TTLL7: variants seen among roughly 807,000 people sequenced by gnomAD.
TTLL7 encodes tubulin polyglutamylase TTLL7.
In TTLL7, 53 loss-of-function variants were observed where a neutral mutation model predicts 120.2. The observed-to-expected ratio is 0.44, with a 90% CI of 0.35 to 0.55. TTLL7 has a LOEUF of 0.55. Among genes scored for constraint, TTLL7 ranks in the 20% least tolerant of loss-of-function variants. The pLI, the probability that TTLL7 is intolerant of heterozygous loss-of-function variation, is 0.00. For missense variants in TTLL7, 803 were observed against 1,054.7 expected (o/e 0.76, Z 3.31); for synonymous variants, 353 against 351.7 (o/e 1.00, Z -0.04).
At chr1:83,978,312 C>T (rs537167754) in intron 1 of TTLL7, among the ~76,000 whole-genome samples, 30 of 152,226 alleles carry the variant, frequency 2.0e-4, no homozygotes, top group African/African-American at 7.2e-4. Context: ...CTTCCCAATC[C>T]TTTTTAGCTA....
chr1:83,907,379 GTCC>G, intron 16 of TTLL7, 74 bp downstream of exon 16: 2 of 1,305,994 alleles, frequency 1.5e-6, no homozygotes, highest in South Asian at 2.5e-5. Flanking sequence ...GGTTCAGTCT[GTCC>G]TCCTCTCATC....
chr1:83,890,322 C>A lies in TTLL7; in HGVS notation c.2368G>T (p.Gly790Ter). 1 of 1,610,286 alleles carries A rather than the reference C, an allele frequency of 6.2e-7. No homozygotes were observed. Among genetic ancestry groups the A allele is most frequent in the East Asian group, 2.2e-5 (1 of 44,778 alleles). Reference sequence around the variant, plus strand: ...AATAAAAGATGACTTAGAGCTTACCCTGAATCACAGAAACAGTTCCACAGC... The same window carrying A: ...AATAAAAGATGACTTAGAGCTTACCATGAATCACAGAAACAGTTCCACAGC... Reference protein sequence around the residue: ...QGLWNCFCDSGSSWESIFNKS... With the variant: ...QGLWNCFCDS Residue 790 changes from glycine to a stop codon, truncating the protein, a stop_gained and splice_region_variant, in exon 19 of 21, where the codon GGA becomes TGA. Transcript: ENST00000260505. LOFTEE classifies it high-confidence loss of function.
At chr1:83,893,449 C>T (rs1294505173) in intron 18 of TTLL7, among the ~76,000 whole-genome samples, 2 of 151,898 alleles carry the variant, frequency 1.3e-5, no homozygotes, top group African/African-American at 4.8e-5. Flanking sequence ...GGATTTTTCA[C>T]TTTTTGTTTT....
intron 1 of TTLL7, among the ~76,000 whole-genome samples, chr1:83,995,423 T>C (rs949773503): frequency 1.3e-5 from 2 of 151,384 alleles, no homozygotes; most frequent in Admixed American, 6.6e-5. Context: ...TCTCACAAGA[T>C]CTGGTCACTT....
At chr1:83,926,946 C>A (rs1229171173) in intron 10 of TTLL7, among the ~76,000 whole-genome samples, 1 of 152,054 alleles carries the variant, frequency 6.6e-6, no homozygotes, top group East Asian at 1.9e-4. Flanking sequence ...TTTACTTGTT[C>A]TACATATAAC....
At chr1:83,879,610 A>T (rs1242235750) in intron 20 of TTLL7, among the ~76,000 whole-genome samples, 4 of 152,042 alleles carry the variant, frequency 2.6e-5, no homozygotes, top group African/African-American at 9.7e-5. Context: ...GCTCACAGCT[A>T]CACCATGTCC....
At chr1:83,926,187 A>G (rs1007983640) in intron 10 of TTLL7, among the ~76,000 whole-genome samples, 10 of 152,056 alleles carry the variant, frequency 6.6e-5, no homozygotes, top group African/African-American at 2.2e-4. Context: ...GGTATTTGAT[A>G]TTGTTAGCAG....
At chr1:83,899,332 T>A (rs1405648767) in intron 18 of TTLL7, among the ~76,000 whole-genome samples, 1 of 151,870 alleles carries the variant, frequency 6.6e-6, no homozygotes, top group Non-Finnish European at 1.5e-5. Context: ...GGAGCCCCAA[T>A]AATCATGAGA....
chr1:83,932,457 T>C (rs1659673166), intron 9 of TTLL7, among the ~76,000 whole-genome samples: 1 of 152,094 alleles, frequency 6.6e-6, no homozygotes, highest in South Asian at 2.1e-4. Context: ...TTATCTTATC[T>C]CTAAGACCCA....
chr1:83,889,802 G>T, intron 19 of TTLL7: 1 of 390,886 alleles, frequency 2.6e-6, no homozygotes, highest in Admixed American at 3.0e-5. Context: ...TTTGGCAAAT[G>T]ACTGAATAAA....
rs1654653589 is a variant in TTLL7 at position 83,883,076 on chromosome 1, C to G, written c.2430G>C (p.Gln810His). ...SPEVVTPLQL[Q>H]CCQRLVELCK... ...AAAGCTCCACTAGGCGCTGGCAACA[C>G]TGGAGCTGCAAAGGAGTCACCACCT... The change falls in exon 20 of 21, where the codon CAG (glutamine) becomes CAC (histidine). Residue 810 changes from glutamine (Q) to histidine (H), a missense_variant. Physicochemically the swap from Gln to His is conservative, Grantham distance 24. Around this residue, in one of 3 missense-constraint regions of TTLL7, gnomAD observed 388 missense variants for 450.4 expected, o/e 0.86. Coordinates refer to ENST00000260505, the MANE Select transcript of TTLL7 (RefSeq NM_024686.6). 6.2e-7 allele frequency: 1 copy of G among 1,612,300 alleles called. No homozygotes were observed. Among genetic ancestry groups the G allele is most frequent in the Non-Finnish European group, 8.5e-7 (1 of 1,179,084 alleles).
At chr1:83,920,326 A>C (rs1658532432) in intron 12 of TTLL7, among the ~76,000 whole-genome samples, 1 of 152,098 alleles carries the variant, frequency 6.6e-6, no homozygotes, top group Admixed American at 6.6e-5. Flanking sequence ...TGTTCAGGTA[A>C]TAAGGGATAC....
intron 20 of TTLL7, among the ~76,000 whole-genome samples, chr1:83,872,806 C>T (rs1355579211): frequency 6.6e-6 from 1 of 152,152 alleles, no homozygotes; most frequent in Non-Finnish European, 1.5e-5. Flanking sequence ...TTACAGATAT[C>T]AACTCATTTA....
chr1:83,870,053 A>C lies in TTLL7; in HGVS notation c.2573T>G (p.Phe858Cys). ...CAAGTTGTAGGTTGGTGTTCTCAAG[A>C]AGAATTGGGTGCTCCCTGGTAGTAA... is the stretch of plus-strand genomic sequence containing the variant. ...RYLLPGSTQF[F>C]LRTPTYNLKY... is the part of the protein sequence containing the mutation. The change falls in exon 21 of 21, where the codon TTC (phenylalanine) becomes TGC (cysteine). Residue 858 changes from phenylalanine (F) to cysteine (C), a missense_variant. This residue lies in a region of TTLL7 where 388 missense variants were observed against 450.4 expected (regional missense o/e 0.86). Transcript: ENST00000260505. 6.3e-7 allele frequency: 1 copy of C among 1,578,486 alleles called. No homozygotes were observed. The highest frequency in any genetic ancestry group is 8.6e-7 in the Non-Finnish European group (1 of 1,167,914).
intron 9 of TTLL7, among the ~76,000 whole-genome samples, chr1:83,931,215 C>A (rs1235122624): frequency 2.6e-5 from 4 of 151,876 alleles, no homozygotes; most frequent in African/African-American, 9.7e-5. Context: ...CTTGTAAATG[C>A]ATTAAGAAAT....
At chr1:83,960,020 T>G (rs1268951958) in intron 1 of TTLL7, among the ~76,000 whole-genome samples, 1 of 152,166 alleles carries the variant, frequency 6.6e-6, no homozygotes, top group African/African-American at 2.4e-5. Context: ...AATAGGCAGT[T>G]CTACAGAGAG....
At chr1:83,927,584 C>G (rs1266107287) in intron 10 of TTLL7, among the ~76,000 whole-genome samples, 1 of 152,080 alleles carries the variant, frequency 6.6e-6, no homozygotes, top group African/African-American at 2.4e-5. Context: ...TAAGATAGAA[C>G]AGCTAAGGTT....
Position 83,869,654 on chromosome 1 carries a change from G to A in TTLL7, c.*308C>T, listed in dbSNP as rs187092695. On this transcript the variant is annotated 3_prime_UTR_variant, in exon 21 of 21. Transcript: ENST00000260505. ...GCAGCAAAAATAACATTTCTAGTAGGAAGGAATTAATTATAAACCTAGCAG... is the reference window on the plus strand; with the variant it reads ...GCAGCAAAAATAACATTTCTAGTAGAAAGGAATTAATTATAAACCTAGCAG... 5.9e-6 allele frequency: 1 copy of A among 170,918 alleles called. No individual in the cohort carries two copies. Among genetic ancestry groups the A allele is most frequent in the Non-Finnish European group, 1.2e-5 (1 of 80,748 alleles). 10.6% of individuals were successfully genotyped at this position (170,918 alleles called of 1,614,324 possible).
intron 18 of TTLL7, 21 bp downstream of exon 18, chr1:83,904,058 C>A (rs1297037092): frequency 6.3e-7 from 1 of 1,596,082 alleles, no homozygotes; most frequent in African/African-American, 1.3e-5. Context: ...AGGGAAAAAA[C>A]TTGTTTTGAG....
Sources: gnomAD v4.1 joint callset for allele counts (sites outside exome capture counted in the v4.1 genomes callset) on GRCh38, gnomAD v4.1.1 for gene constraint, gnomAD v4.1.1 regional missense constraint, MANE v1.5 for transcripts, NCBI Gene and HGNC (gene_info 2026-07-23, HGNC 2026-07-21) for gene names.